LRRTM4: variants seen among roughly 807,000 people sequenced by gnomAD.
LRRTM4 encodes leucine rich repeat transmembrane neuronal 4, also known as leucine-rich repeat transmembrane neuronal protein 4.
Under a neutral mutation model 47.6 loss-of-function variants are expected in LRRTM4, and 25 were observed. The observed-to-expected ratio is 0.53, with a 90% CI of 0.38 to 0.73. LRRTM4 has a LOEUF of 0.73. Among genes scored for constraint, LRRTM4 ranks in the 30% least tolerant of loss-of-function variants. The probability of loss-of-function intolerance (pLI) is 0.00; values close to 1 mark genes in which losing one functional copy is unlikely to be tolerated. For synonymous variants in LRRTM4, 311 were observed against 269.5 expected (o/e 1.15, Z -1.51); for missense variants, 638 against 713.4 (o/e 0.89, Z 1.20).
At chr2:77,360,595 T>TACAC (rs1282312917) in intron 3 of LRRTM4, among the ~76,000 whole-genome samples, 66 of 149,474 alleles carry the variant, frequency 4.4e-4, no homozygotes, top group African/African-American at 1.6e-3. Flanking sequence ...CATACATACA[T>TACAC]AGTGCTTGTA....
chr2:77,184,442 C>T (rs1054397219), intron 3 of LRRTM4, among the ~76,000 whole-genome samples: 7 of 152,032 alleles, frequency 4.6e-5, no homozygotes, highest in Admixed American at 1.3e-4. Context: ...AGTACCGATT[C>T]CCTATAAAAA....
At chr2:77,424,837 G>A (rs1260500582) in intron 3 of LRRTM4, among the ~76,000 whole-genome samples, 1 of 152,100 alleles carries the variant, frequency 6.6e-6, no homozygotes, top group East Asian at 1.9e-4. Flanking sequence ...ATAGACCCAG[G>A]GATCCTTATA....
At chr2:77,112,531 A>G (rs1042830070) in intron 3 of LRRTM4, among the ~76,000 whole-genome samples, 1 of 152,128 alleles carries the variant, frequency 6.6e-6, no homozygotes, top group African/African-American at 2.4e-5. Flanking sequence ...TAGGTTTTCA[A>G]TATTATCCCA....
At chr2:76,951,104 C>T (rs921265511) in intron 3 of LRRTM4, among the ~76,000 whole-genome samples, 2 of 146,968 alleles carry the variant, frequency 1.4e-5, no homozygotes, top group African/African-American at 4.9e-5. Context: ...ATACAAAAGT[C>T]AAATGATAGA....
chr2:76,752,742 C>G (rs937612527), intron 3 of LRRTM4, among the ~76,000 whole-genome samples: 1 of 152,170 alleles, frequency 6.6e-6, no homozygotes, highest in African/African-American at 2.4e-5. Flanking sequence ...CATTAACCAC[C>G]TGGGTCCCTG....
intron 3 of LRRTM4, among the ~76,000 whole-genome samples, chr2:77,394,555 C>T (rs1673624728): frequency 6.6e-6 from 1 of 151,926 alleles, no homozygotes; most frequent in South Asian, 2.1e-4. Context: ...GGCCCAGAAG[C>T]AGGCACTTCA....
intron 3 of LRRTM4, chr2:77,516,682 A>C: frequency 3.1e-6 from 3 of 975,866 alleles, no homozygotes; most frequent in Non-Finnish European, 3.7e-6. Flanking sequence ...AAAATCTTTT[A>C]TTCTTTTTAA....
At chr2:77,270,959 T>A (rs192465872) in intron 3 of LRRTM4, among the ~76,000 whole-genome samples, 107 of 152,322 alleles carry the variant, frequency 7.0e-4, no homozygotes, top group African/African-American at 2.5e-3. Flanking sequence ...ATCCCCATTC[T>A]GAGTCCTATG....
chr2:77,475,386 A>G (rs4853312), intron 3 of LRRTM4, among the ~76,000 whole-genome samples: 45,719 of 151,924 alleles, frequency 0.3, 7,128 homozygotes, highest in East Asian at 0.55. Flanking sequence ...TTTATAACTC[A>G]TTTTATATTG....
At chr2:76,983,387 A>G (rs1196638138) in intron 3 of LRRTM4, among the ~76,000 whole-genome samples, 1 of 152,038 alleles carries the variant, frequency 6.6e-6, no homozygotes, top group African/African-American at 2.4e-5. Flanking sequence ...GCCACAGCTA[A>G]TTGAATCATC....
chr2:77,053,316 T>A (rs1280397859), intron 3 of LRRTM4, among the ~76,000 whole-genome samples: 2 of 152,094 alleles, frequency 1.3e-5, no homozygotes, highest in African/African-American at 4.8e-5. Context: ...CAAAATTTAA[T>A]AGTTTAATAA....
chr2:77,335,613 A>C (rs2104262004), intron 3 of LRRTM4, among the ~76,000 whole-genome samples: 1 of 152,302 alleles, frequency 6.6e-6, no homozygotes, highest in Middle Eastern at 3.4e-3. Flanking sequence ...CATGCAGCAT[A>C]AATAATTTGC....
intron 3 of LRRTM4, among the ~76,000 whole-genome samples, chr2:77,484,186 A>C (rs1439048657): frequency 6.6e-6 from 1 of 152,206 alleles, no homozygotes; most frequent in Non-Finnish European, 1.5e-5. Context: ...TGTATGTTTG[A>C]GACAGGAAGT....
chr2:77,073,398 T>C (rs750416471), intron 3 of LRRTM4, among the ~76,000 whole-genome samples: 8 of 149,974 alleles, frequency 5.3e-5, no homozygotes, highest in Non-Finnish European at 8.8e-5. Context: ...GATAAATACA[T>C]TAATTATTAT....
intron 3 of LRRTM4, among the ~76,000 whole-genome samples, chr2:77,341,546 C>G (rs528059594): frequency 6.6e-6 from 1 of 152,166 alleles, no homozygotes; most frequent in South Asian, 2.1e-4. Flanking sequence ...TATACATTAA[C>G]TTTTCCCTTG....
chr2:76,748,332 T>G lies in LRRTM4; in HGVS notation c.*363A>C. On this transcript the variant is annotated 3_prime_UTR_variant, in exon 4 of 4. Coordinates refer to ENST00000409884, the MANE Select transcript of LRRTM4 (RefSeq NM_001134745.3). ...CCCCTGTTTATTTGCTCCCCTGTGG[T>G]TCTCCAGCCCAGGAACCATGCAGTG... 1 of 181,408 alleles carries G rather than the reference T, an allele frequency of 5.5e-6. No individual in the cohort carries two copies. The highest frequency in any genetic ancestry group is 1.2e-5 in the Non-Finnish European group (1 of 86,128). 11.2% of individuals were successfully genotyped at this position (181,408 alleles called of 1,614,324 possible).
intron 3 of LRRTM4, among the ~76,000 whole-genome samples, chr2:77,080,116 G>T (rs1680483677): frequency 6.6e-6 from 1 of 151,978 alleles, no homozygotes; most frequent in South Asian, 2.1e-4. Context: ...GTCATACATT[G>T]CTAAATTCAA....
At chr2:77,130,119 T>C (rs945990046) in intron 3 of LRRTM4, among the ~76,000 whole-genome samples, 1 of 152,224 alleles carries the variant, frequency 6.6e-6, no homozygotes, top group African/African-American at 2.4e-5. Flanking sequence ...GCAAAGAATA[T>C]GAGTTATTTG....
chr2:77,021,081 A>C (rs181498890), intron 3 of LRRTM4, among the ~76,000 whole-genome samples: 1 of 150,250 alleles, frequency 6.7e-6, no homozygotes, highest in East Asian at 2.0e-4. Context: ...AACTGCAGGC[A>C]AGAAACTTCT....
Sources: allele counts gnomAD v4.1 joint callset (sites outside exome capture counted in the v4.1 genomes callset), GRCh38; gene constraint gnomAD v4.1.1; transcripts MANE v1.5; gene names NCBI Gene and HGNC (gene_info 2026-07-23, HGNC 2026-07-21).